SGCZ: variants seen among roughly 807,000 people sequenced by gnomAD.
The protein encoded by SGCZ is sarcoglycan zeta, also known as zeta-sarcoglycan.
Under a neutral mutation model 41.3 loss-of-function variants are expected in SGCZ, and 40 were observed. That is an observed-to-expected ratio of 0.97 (90% CI 0.75 to 1.26). The LOEUF (loss-of-function observed/expected upper bound fraction) is 1.26, where lower values mean the gene tolerates loss of function less well. Ranked by LOEUF, SGCZ falls within the 50% of genes most tolerant of loss-of-function variation. The pLI is 0.00. For missense variants in SGCZ, 552 were observed against 369.8 expected, an observed-to-expected ratio of 1.49 and a Z score of -4.04; for synonymous variants, 206 against 137.5, an observed-to-expected ratio of 1.50 and a Z score of -3.49.
intron 2 of SGCZ, among the ~76,000 whole-genome samples, chr8:14,541,121 A>G (rs1803453649): frequency 2.6e-5 from 4 of 151,908 alleles, no homozygotes; most frequent in South Asian, 2.1e-4. Context: ...ATCAGATATA[A>G]ATAAACAGGT....
rs148795925 is a variant in SGCZ, at chr8:14,580,988, G to A, written c.40-26062C>T. On this transcript the variant is annotated intron_variant, in intron 1 of 7. Coordinates refer to ENST00000382080, the MANE Select transcript of SGCZ (RefSeq NM_139167.4). ...AATTTCAGTAGTAAATGCCTTTCTT[G>A]AGAACCATAGCTACTGCATTACACT... Among the ~76,000 whole-genome samples the A allele has an allele frequency of 4.7e-4, 72 of 152,332 alleles. No individual in the cohort carries two copies. The East Asian group carries it at 0.014, about 29-fold the overall frequency.
intron 1 of SGCZ, among the ~76,000 whole-genome samples, chr8:15,186,354 G>T (rs1307141936): frequency 2.1e-5 from 3 of 144,410 alleles, no homozygotes; most frequent in East Asian, 4.2e-4. Flanking sequence ...CAAATATAAC[G>T]CTGATATAAA....
intron 1 of SGCZ, among the ~76,000 whole-genome samples, chr8:15,232,108 A>G (rs987670971): frequency 4.6e-5 from 7 of 152,228 alleles, no homozygotes; most frequent in African/African-American, 1.7e-4. Context: ...AAATTCATAG[A>G]GAATTTGAAC....
chr8:14,225,257 C>A (rs1184889976), intron 4 of SGCZ, among the ~76,000 whole-genome samples: 1 of 151,898 alleles, frequency 6.6e-6, no homozygotes, highest in African/African-American at 2.4e-5. Flanking sequence ...TAATGTTGTA[C>A]CCCCAAAAGT....
intron 4 of SGCZ, among the ~76,000 whole-genome samples, chr8:14,217,223 G>C (rs988187783): frequency 6.7e-6 from 1 of 150,112 alleles, no homozygotes. Flanking sequence ...GTGAACCTGG[G>C]AGGCAGAGGT....
At chr8:14,458,918 A>G (rs1800823973) in intron 2 of SGCZ, among the ~76,000 whole-genome samples, 1 of 152,200 alleles carries the variant, frequency 6.6e-6, no homozygotes. Context: ...TTAGGAAAAT[A>G]TGAGATGAGC....
At chr8:14,607,371 A>ATGAAT (rs1388165010) in intron 1 of SGCZ, among the ~76,000 whole-genome samples, 28 of 152,280 alleles carry the variant, frequency 1.8e-4, no homozygotes, top group African/African-American at 5.5e-4. Context: ...TATAACTTTT[A>ATGAAT]TGAATCTCTT....
intron 1 of SGCZ, among the ~76,000 whole-genome samples, chr8:15,080,639 G>A (rs1260792492): frequency 3.9e-5 from 6 of 152,034 alleles, no homozygotes; most frequent in African/African-American, 1.4e-4. Flanking sequence ...TCACCAGGCT[G>A]GAGTGCAGTG....
chr8:14,856,011 A>G (rs1803535123), intron 1 of SGCZ, among the ~76,000 whole-genome samples: 1 of 152,228 alleles, frequency 6.6e-6, no homozygotes, highest in Non-Finnish European at 1.5e-5. Context: ...TTCCTGTTCA[A>G]GCACATAATT....
chr8:15,158,446 T>C (rs186361122), intron 1 of SGCZ, among the ~76,000 whole-genome samples: 12 of 152,352 alleles, frequency 7.9e-5, no homozygotes, highest in African/African-American at 2.6e-4. Context: ...TTTTGATATA[T>C]ACTTGGGTTA....
chr8:14,308,572 G>A (rs1801421013), intron 3 of SGCZ, among the ~76,000 whole-genome samples: 1 of 151,862 alleles, frequency 6.6e-6, no homozygotes, highest in South Asian at 2.1e-4. Flanking sequence ...TACTGCTTGT[G>A]TTTGTTTTTC....
rs1235167562 is a variant in SGCZ at position 14,088,614 on chromosome 8, T to G, written c.*1829A>C. ...GTAAGCAATCGTATATCATAAATTCTTATTTCAATATTGATTTAAAAAGTT... is the reference window on the plus strand; with the variant it reads ...GTAAGCAATCGTATATCATAAATTCGTATTTCAATATTGATTTAAAAAGTT... On this transcript the variant is annotated 3_prime_UTR_variant, in exon 8 of 8. Transcript: ENST00000382080. 6.6e-6 allele frequency among the ~76,000 whole-genome samples: 1 copy of G among 151,924 alleles called. No individual in the cohort carries two copies. Among genetic ancestry groups the G allele is most frequent in the Non-Finnish European group, 1.5e-5 (1 of 67,888 alleles).
At chr8:14,562,524 C>T (rs1165875398) in intron 1 of SGCZ, among the ~76,000 whole-genome samples, 1 of 151,898 alleles carries the variant, frequency 6.6e-6, no homozygotes, top group East Asian at 1.9e-4. Flanking sequence ...GTAATATAAT[C>T]GGGGACTACT....
intron 1 of SGCZ, among the ~76,000 whole-genome samples, chr8:14,719,404 T>C (rs1464771127): frequency 2.0e-5 from 3 of 150,710 alleles, no homozygotes; most frequent in Non-Finnish European, 3.0e-5. Flanking sequence ...GTATTTCTAG[T>C]TCTAGATCCC....
chr8:14,549,983 T>TG (rs1803750732), intron 2 of SGCZ, among the ~76,000 whole-genome samples: 1 of 151,890 alleles, frequency 6.6e-6, no homozygotes, highest in Non-Finnish European at 1.5e-5. Flanking sequence ...ACAATCACAC[T>TG]GGGGAAAAAA....
rs145787756 is a variant in SGCZ, at chr8:15,235,278, G to A, written c.39+2307C>T. ...ATTTCAGAAGGATTCCACAGCCTTCGTATTCCACAAGTGTAGTCAAAACTG... is the reference window on the plus strand; with the variant it reads ...ATTTCAGAAGGATTCCACAGCCTTCATATTCCACAAGTGTAGTCAAAACTG... On this transcript the variant is annotated intron_variant, in intron 1 of 7. Transcript: ENST00000382080. 7.7e-3 allele frequency among the ~76,000 whole-genome samples: 1,167 copies of A among 152,278 alleles called. 7 individuals carry two copies. Among genetic ancestry groups the A allele is most frequent in the Non-Finnish European group, 0.013 (863 of 68,014 alleles).
intron 3 of SGCZ, among the ~76,000 whole-genome samples, chr8:14,242,392 T>C (rs1344756279): frequency 6.6e-6 from 1 of 152,170 alleles, no homozygotes; most frequent in Non-Finnish European, 1.5e-5. Flanking sequence ...AGGGTCAAGA[T>C]AATAACATGA....
At chr8:14,228,462 AT>A (rs1390272061) in intron 4 of SGCZ, among the ~76,000 whole-genome samples, 4 of 152,124 alleles carry the variant, frequency 2.6e-5, no homozygotes, top group African/African-American at 4.8e-5. Flanking sequence ...AATTACTTTA[AT>A]ATTAAAATTC....
chr8:14,137,860 C>T (rs565020073), intron 5 of SGCZ, among the ~76,000 whole-genome samples: 2 of 152,178 alleles, frequency 1.3e-5, no homozygotes, highest in South Asian at 2.1e-4. Flanking sequence ...AGAAGAGCAA[C>T]CCCAAGACAC....
Sources: allele counts gnomAD v4.1 joint callset (sites outside exome capture counted in the v4.1 genomes callset), GRCh38; gene constraint gnomAD v4.1.1; transcripts MANE v1.5; gene names NCBI Gene and HGNC (gene_info 2026-07-23, HGNC 2026-07-21).